The following AUTS2 variants were observed in gnomAD, a reference collection of about 807,000 sequenced individuals.
The protein encoded by AUTS2 is autism susceptibility gene 2 protein.
Under a neutral mutation model 112.4 loss-of-function variants are expected in AUTS2, and 17 were observed. The observed-to-expected ratio is 0.15, with a 90% CI of 0.10 to 0.23. The LOEUF (loss-of-function observed/expected upper bound fraction) is 0.23. AUTS2 is among the 10% of genes least tolerant of loss of function. The probability of loss-of-function intolerance (pLI) is 1.00; values close to 1 mark genes in which losing one functional copy is unlikely to be tolerated. For synonymous variants in AUTS2, 751 were observed against 702.7 expected, an observed-to-expected ratio of 1.07 and a Z score of -1.09; for missense variants, 1,510 against 1,701.6, an observed-to-expected ratio of 0.89 and a Z score of 1.98.
chr7:69,697,818 T>G (rs1797619853), intron 1 of AUTS2, among the ~76,000 whole-genome samples: 2 of 152,242 alleles, frequency 1.3e-5, no homozygotes, highest in Admixed American at 6.5e-5. Flanking sequence ...TTGGCTGAAC[T>G]GATTTATGAG....
chr7:70,166,803 A>G (rs1808406723), intron 4 of AUTS2, among the ~76,000 whole-genome samples: 2 of 152,220 alleles, frequency 1.3e-5, no homozygotes, highest in South Asian at 4.1e-4. Context: ...TTGGTCAGTT[A>G]AAAAGCAGAG....
chr7:69,699,337 T>C lies in AUTS2; in HGVS notation c.309+99375T>C, dbSNP rs1309256523. Reference sequence around the variant, plus strand: ...CTTTTATAACTACTTTATTAGTCTCTATTACATCTTTTGTAATTTCTTAAA... The same window carrying C: ...CTTTTATAACTACTTTATTAGTCTCCATTACATCTTTTGTAATTTCTTAAA... On this transcript the variant is annotated intron_variant, in intron 1 of 18. Transcript: ENST00000342771. 3.3e-5 allele frequency among the ~76,000 whole-genome samples: 5 copies of C among 152,328 alleles called. No individual in the cohort carries two copies. In the East Asian group the frequency reaches 9.6e-4, roughly 29 times the overall value.
At chr7:70,719,681 C>T (rs1195640974) in intron 6 of AUTS2, among the ~76,000 whole-genome samples, 6 of 152,106 alleles carry the variant, frequency 3.9e-5, no homozygotes, top group South Asian at 2.1e-4. Context: ...CCAAGCTGGT[C>T]GTGAACTCCT....
At chr7:69,622,443 CTGGGGTTAGA>C (rs1793717686) in intron 1 of AUTS2, among the ~76,000 whole-genome samples, 3 of 152,252 alleles carry the variant, frequency 2.0e-5, no homozygotes, top group African/African-American at 7.2e-5. Flanking sequence ...AGAGTTTTGT[CTGGGGTTAGA>C]TACTGTGGGC....
intron 2 of AUTS2, among the ~76,000 whole-genome samples, chr7:70,084,653 GT>G (rs1224820799): frequency 6.6e-6 from 1 of 152,066 alleles, no homozygotes; most frequent in Non-Finnish European, 1.5e-5. Context: ...ACCTTTTCAT[GT>G]GTGATTTTTC....
intron 6 of AUTS2, among the ~76,000 whole-genome samples, chr7:70,720,202 A>AT (rs59046864): frequency 2.0e-4 from 30 of 148,690 alleles, no homozygotes; most frequent in Admixed American, 2.0e-4. Flanking sequence ...GTTTTCTTGT[A>AT]TTTTTTTTTT....
intron 5 of AUTS2, among the ~76,000 whole-genome samples, chr7:70,611,363 G>T (rs1361215061): frequency 6.6e-6 from 1 of 152,202 alleles, no homozygotes; most frequent in Non-Finnish European, 1.5e-5. Flanking sequence ...AATGGTTGGG[G>T]CTGCAGTTAT....
chr7:70,653,713 A>C (rs1806627425), intron 5 of AUTS2, among the ~76,000 whole-genome samples: 1 of 152,348 alleles, frequency 6.6e-6, no homozygotes, highest in South Asian at 2.1e-4. Flanking sequence ...TGGCTACTCA[A>C]ATGCTGAAAG....
intron 1 of AUTS2, among the ~76,000 whole-genome samples, chr7:69,841,337 G>A (rs1791971920): frequency 6.6e-6 from 1 of 152,156 alleles, no homozygotes; most frequent in Non-Finnish European, 1.5e-5. Context: ...GAAAGCAGGA[G>A]CAAGCAAGAG....
chr7:70,031,638 G>A (rs1800785124), intron 2 of AUTS2, among the ~76,000 whole-genome samples: 1 of 152,136 alleles, frequency 6.6e-6, no homozygotes, highest in African/African-American at 2.4e-5. Context: ...AGGATATTGA[G>A]TAATTGAACA....
chr7:70,031,143 C>A lies in AUTS2; in HGVS notation c.523-86989C>A, dbSNP rs374200574. Among the ~76,000 whole-genome samples, 21 of 152,174 alleles carry A rather than the reference C, an allele frequency of 1.4e-4. 1 individual carries two copies. In the South Asian group the frequency reaches 3.1e-3, roughly 23 times the overall value. On this transcript the variant is annotated intron_variant, in intron 2 of 18. Coordinates refer to ENST00000342771, the MANE Select transcript of AUTS2 (RefSeq NM_015570.4). ...AGTCTAACCCCAGATGACTGTATTC[C>A]CATTGTTTTATTGTGAGGGCATTTG...
chr7:69,627,808 G>A (rs1015771565), intron 1 of AUTS2, among the ~76,000 whole-genome samples: 6 of 152,166 alleles, frequency 3.9e-5, no homozygotes, highest in African/African-American at 1.4e-4. Context: ...CAGTTTCCTT[G>A]TGTATAAAAT....
Position 70,371,441 on chromosome 7 carries a change from T to C in AUTS2, c.661-64311T>C, listed in dbSNP as rs551715507. ...TTTTCTGAGACACCTGCTAACTGAA[T>C]TTGATCAAACAGATGTAAGACATAA... On this transcript the variant is annotated intron_variant, in intron 4 of 18. Coordinates refer to ENST00000342771, the MANE Select transcript of AUTS2 (RefSeq NM_015570.4). Among the ~76,000 whole-genome samples, 6 of 152,344 alleles carry C rather than the reference T, an allele frequency of 3.9e-5. No homozygotes were observed. The East Asian group carries it at 1.2e-3, about 29-fold the overall frequency.
chr7:70,051,725 A>T (rs1317739485), intron 2 of AUTS2, among the ~76,000 whole-genome samples: 2 of 152,222 alleles, frequency 1.3e-5, no homozygotes, highest in African/African-American at 2.4e-5. Context: ...ATCTAAAAAA[A>T]ACAGATTCAC....
intron 4 of AUTS2, among the ~76,000 whole-genome samples, chr7:70,156,815 C>T (rs1401632125): frequency 2.8e-5 from 4 of 140,414 alleles, no homozygotes; most frequent in East Asian, 2.1e-4. Context: ...TTTGGGAAGC[C>T]GAGGCAGGTG....
rs1252233387 is a variant in AUTS2, at chr7:70,787,322, C to T, written c.2422C>T (p.Pro808Ser). ...GCCTCCGTCGTTCCCGACCCCTCCG[C>T]CCTGGCTGAAGCCAGGGGAGCTGGA... ...RTPPSFPTPP[P>S]WLKPGELERS... Residue 808 changes from proline to serine, a missense_variant, in exon 18 of 19, where the codon CCC becomes TCC. By Grantham distance (74) the Pro-to-Ser change is moderately conservative (BLOSUM62 -1). Transcript: ENST00000342771. The T allele has an allele frequency of 6.2e-7, 1 of 1,614,146 alleles. No individual in the cohort carries two copies. The highest frequency in any genetic ancestry group is 1.7e-5 in the Admixed American group (1 of 60,030).
At chr7:70,677,826 A>G (rs751613508) in intron 5 of AUTS2, among the ~76,000 whole-genome samples, 16 of 151,984 alleles carry the variant, frequency 1.1e-4, no homozygotes, top group Admixed American at 2.6e-4. Context: ...GCTGACGCCT[A>G]TAATCCCAGC....
chr7:69,983,038 T>C (rs1798360438), intron 2 of AUTS2, among the ~76,000 whole-genome samples: 3 of 152,164 alleles, frequency 2.0e-5, no homozygotes, highest in South Asian at 2.1e-4. Flanking sequence ...GCTATGAACA[T>C]TTACCCTACC....
intron 4 of AUTS2, among the ~76,000 whole-genome samples, chr7:70,239,315 G>T (rs1158550610): frequency 1.3e-5 from 2 of 152,062 alleles, no homozygotes; most frequent in African/African-American, 4.8e-5. Flanking sequence ...TTGAGAAGAT[G>T]ATTTTTCAGT....
Sources: allele counts gnomAD v4.1 joint callset (sites outside exome capture counted in the v4.1 genomes callset), GRCh38; gene constraint gnomAD v4.1.1; transcripts MANE v1.5; gene names NCBI Gene and HGNC (gene_info 2026-07-23, HGNC 2026-07-21).